The following SLC22A23 variants were observed in gnomAD, a reference collection of about 807,000 sequenced individuals.
SLC22A23 encodes the protein ion transporter protein.
A neutral mutation model predicts 61.0 loss-of-function variants in SLC22A23; 26 were observed. The observed-to-expected ratio is 0.43, with a 90% CI of 0.31 to 0.59. The LOEUF (loss-of-function observed/expected upper bound fraction) is 0.59. SLC22A23 is among the 20% of genes least tolerant of loss of function. The pLI, the probability that SLC22A23 is intolerant of heterozygous loss-of-function variation, is 0.11. For missense variants in SLC22A23, 796 were observed against 934.7 expected (o/e 0.85, Z 1.94); for synonymous variants, 430 against 413.9 (o/e 1.04, Z -0.47).
chr6:3,424,510 T>G (rs538501715), intron 1 of SLC22A23, among the ~76,000 whole-genome samples: 1 of 152,358 alleles, frequency 6.6e-6, no homozygotes, highest in South Asian at 2.1e-4. Flanking sequence ...CTTCTCTATT[T>G]CTATAAAGTT....
chr6:3,321,033 C>T (rs536394163), intron 4 of SLC22A23, among the ~76,000 whole-genome samples: 14 of 152,312 alleles, frequency 9.2e-5, no homozygotes, highest in East Asian at 5.8e-4. Flanking sequence ...ACCACAATGA[C>T]GCACAGCTGG....
At position 3,457,023 on chromosome 6, in the gene SLC22A23, C is replaced by G. The variant is rs1581916514; in HGVS notation, c.-464G>C. 6.6e-6 allele frequency: 1 copy of G among 152,354 alleles called. No individual in the cohort carries two copies. Among genetic ancestry groups the G allele is most frequent in the South Asian group, 1.8e-4 (1 of 5,416 alleles). The allele number at this position is 152,354 out of a possible 1,614,324, so 9.4% of individuals were successfully genotyped here. A position where few individuals can be genotyped will look rare whatever the true frequency, so the allele number is the denominator to read the frequency against. ...TATTTCTCCGACTTCGGGCGCCTCC[C>G]GGAAGCCGCGAGCTCTGGACCCAGC... is the stretch of plus-strand genomic sequence containing the variant. On this transcript the variant is annotated 5_prime_UTR_variant, in exon 1 of 10. Coordinates refer to ENST00000406686, the MANE Select transcript of SLC22A23 (RefSeq NM_015482.2).
At chr6:3,310,051 T>A (rs947327705) in intron 4 of SLC22A23, among the ~76,000 whole-genome samples, 1 of 152,200 alleles carries the variant, frequency 6.6e-6, no homozygotes, top group African/African-American at 2.4e-5. Context: ...GAAGAGCTGG[T>A]TCTTAGAGAT....
intron 2 of SLC22A23, among the ~76,000 whole-genome samples, chr6:3,412,356 A>G (rs752310273): frequency 1.3e-5 from 2 of 152,206 alleles, no homozygotes; most frequent in African/African-American, 4.8e-5. Flanking sequence ...TGTGACCTTG[A>G]GTAAGACCAG....
intron 3 of SLC22A23, among the ~76,000 whole-genome samples, chr6:3,368,407 G>A (rs1426150605): frequency 3.3e-5 from 5 of 152,226 alleles, no homozygotes; most frequent in African/African-American, 4.8e-5. Context: ...ATGCATGTGT[G>A]CATGTGTGTG....
chr6:3,317,463 A>T lies in SLC22A23; in HGVS notation c.1082+6371T>A, dbSNP rs1762706773. ...CGCATCTAAGCAGAATTCCTCCTAG[A>T]TGCTCCTAGATACTCCCTTCTTCTT... On this transcript the variant is annotated intron_variant, in intron 4 of 9. Transcript: ENST00000406686. The surrounding 1 kb of genome is among the most constrained non-coding windows in gnomAD (Gnocchi z 4.4). Among the ~76,000 whole-genome samples, 1 of 152,056 alleles carries T rather than the reference A, an allele frequency of 6.6e-6. No individual in the cohort carries two copies. Among genetic ancestry groups the T allele is most frequent in the Non-Finnish European group, 1.5e-5 (1 of 68,006 alleles).
chr6:3,419,259 C>T (rs1209974951), intron 1 of SLC22A23, among the ~76,000 whole-genome samples: 1 of 152,134 alleles, frequency 6.6e-6, no homozygotes, highest in Non-Finnish European at 1.5e-5. Context: ...TCACATATAT[C>T]CTGAACATCC....
chr6:3,298,362 C>T (rs188614424), intron 4 of SLC22A23, 144 bp from the exon 5 acceptor site: 27 of 873,874 alleles, frequency 3.1e-5, no homozygotes, highest in Non-Finnish European at 4.5e-5. Context: ...GGAGATAAAA[C>T]TGTGGGCACT....
At chr6:3,441,696 G>A (rs1581897578) in intron 1 of SLC22A23, among the ~76,000 whole-genome samples, 1 of 152,154 alleles carries the variant, frequency 6.6e-6, no homozygotes, top group South Asian at 2.1e-4. Context: ...CTCCTGGGAT[G>A]TGCTCGGTTC....
chr6:3,332,939 G>T (rs73720509), intron 3 of SLC22A23, among the ~76,000 whole-genome samples: 3,927 of 152,136 alleles, frequency 0.026, 193 homozygotes, highest in African/African-American at 0.09. Flanking sequence ...TTCATGCCCT[G>T]GTTTAATCTC....
intron 3 of SLC22A23, among the ~76,000 whole-genome samples, chr6:3,379,154 T>A (rs990934586): frequency 6.6e-6 from 1 of 152,198 alleles, no homozygotes; most frequent in African/African-American, 2.4e-5. Flanking sequence ...ATGGCTGGCC[T>A]GTCTCTGAGA....
intron 3 of SLC22A23, among the ~76,000 whole-genome samples, chr6:3,388,850 G>A (rs1373505049): frequency 3.9e-5 from 6 of 152,118 alleles, no homozygotes; most frequent in East Asian, 1.9e-4. Flanking sequence ...TACTTATAAG[G>A]TACCTAGCGT....
At chr6:3,405,596 T>C (rs1464830954) in intron 3 of SLC22A23, among the ~76,000 whole-genome samples, 2 of 151,278 alleles carry the variant, frequency 1.3e-5, no homozygotes, top group Non-Finnish European at 2.9e-5. Flanking sequence ...ACTCACTCTG[T>C]GGAGCCATTT....
chr6:3,367,156 C>G (rs897390156), intron 3 of SLC22A23, among the ~76,000 whole-genome samples: 2 of 152,186 alleles, frequency 1.3e-5, no homozygotes, highest in African/African-American at 2.4e-5. Flanking sequence ...GCTCTTTTCC[C>G]TGGAGCTTTC....
rs1274061891 is a variant in SLC22A23, at chr6:3,387,793, G to A, written c.913+22395C>T. Among the ~76,000 whole-genome samples, 1 of 152,172 alleles carries A rather than the reference G, an allele frequency of 6.6e-6. No individual in the cohort carries two copies. Among genetic ancestry groups the A allele is most frequent in the Non-Finnish European group, 1.5e-5 (1 of 68,032 alleles). ...TAAGTATATGTATATTTCATTCAAA[G>A]AGTTAACGAAACCCAAGAGTCGTGG... On this transcript the variant is annotated intron_variant, in intron 3 of 9. Transcript: ENST00000406686. This position sits in a 1 kb window ranked among gnomAD's most constrained non-coding sequence, Gnocchi z 5.0.
intron 1 of SLC22A23, among the ~76,000 whole-genome samples, chr6:3,431,196 T>C (rs1189823957): frequency 1.3e-5 from 2 of 152,112 alleles, no homozygotes; most frequent in Non-Finnish European, 1.5e-5. Context: ...CTGAGTGAGA[T>C]GGGCGTGGGG....
At position 3,286,980 on chromosome 6, in the gene SLC22A23, G is replaced by T. The variant is rs373927826; in HGVS notation, c.1425C>A (p.Ile475=). 9.3e-6 allele frequency: 15 copies of T among 1,614,178 alleles called. No homozygotes were observed. In the Admixed American group the frequency reaches 1.3e-4, roughly 14 times the overall value. ...FYADYYTTAS[I]ALVSCLAMCV... ...ACATGGCCAGGCAGGACACCAGCGCGATGCTGGCCGTGGTATAGTAGTCAG... is the reference window on the plus strand; with the variant it reads ...ACATGGCCAGGCAGGACACCAGCGCTATGCTGGCCGTGGTATAGTAGTCAG... Residue 475 remains isoleucine, a synonymous_variant, in exon 7 of 10, where the codon ATC becomes ATA. Transcript: ENST00000406686. This position sits in a 1 kb window ranked among gnomAD's most constrained non-coding sequence, Gnocchi z 4.2.
intron 3 of SLC22A23, among the ~76,000 whole-genome samples, chr6:3,370,619 G>A (rs540380233): frequency 1.3e-5 from 2 of 152,396 alleles, no homozygotes; most frequent in South Asian, 4.1e-4. Context: ...CCTGACTCAG[G>A]TCTGTGTGCC....
chr6:3,432,195 T>G (rs142104158), intron 1 of SLC22A23: 1 of 985,290 alleles, frequency 1.0e-6, no homozygotes, highest in Non-Finnish European at 1.2e-6. Context: ...CTGAGCCCAG[T>G]GCTCCTTGCC....
Sources: gnomAD v4.1 joint callset for allele counts (sites outside exome capture counted in the v4.1 genomes callset) on GRCh38, gnomAD v4.1.1 for gene constraint, Gnocchi (gnomAD v3.1) non-coding constraint, MANE v1.5 for transcripts, NCBI Gene and HGNC (gene_info 2026-07-23, HGNC 2026-07-21) for gene names.